The following MAD1L1 variants were observed in gnomAD, a reference collection of about 807,000 sequenced individuals.
MAD1L1 encodes mitotic spindle assembly checkpoint protein MAD1.
Under a neutral mutation model 96.9 loss-of-function variants are expected in MAD1L1, and 95 were observed. The ratio of observed to expected loss-of-function variants is 0.98; its 90% CI spans 0.83 to 1.16. MAD1L1 has a LOEUF of 1.16. MAD1L1 is among the 50% of genes most tolerant of loss of function. The pLI, the probability that MAD1L1 is intolerant of heterozygous loss-of-function variation, is 0.00. For synonymous variants in MAD1L1, 473 were observed against 396.6 expected (o/e 1.19, Z -2.29); for missense variants, 1,007 against 954.4 (o/e 1.06, Z -0.73).
intron 17 of MAD1L1, among the ~76,000 whole-genome samples, chr7:1,920,527 G>C (rs575605868): frequency 6.6e-6 from 1 of 152,368 alleles, no homozygotes; most frequent in South Asian, 2.1e-4. Context: ...CCATCGCATG[G>C]AGTTGGGGGA....
chr7:1,946,861 A>G (rs1167699097), intron 16 of MAD1L1, among the ~76,000 whole-genome samples: 1 of 152,228 alleles, frequency 6.6e-6, no homozygotes, highest in Admixed American at 6.5e-5. Context: ...CTGCCTTGTA[A>G]GCCCACACCT....
chr7:2,178,015 CT>C (rs1791025040), intron 10 of MAD1L1, among the ~76,000 whole-genome samples: 1 of 152,170 alleles, frequency 6.6e-6, no homozygotes, highest in Admixed American at 6.5e-5. Flanking sequence ...TTTATAAACC[CT>C]AGATCTAACA....
At chr7:1,828,081 G>C (rs1026166140) in intron 18 of MAD1L1, among the ~76,000 whole-genome samples, 17 of 152,066 alleles carry the variant, frequency 1.1e-4, no homozygotes, top group African/African-American at 4.1e-4. Flanking sequence ...TTGTCTCTCT[G>C]AGCTGAAGTT....
At chr7:1,955,656 G>T in intron 16 of MAD1L1, among the ~76,000 whole-genome samples, 1 of 152,274 alleles carries the variant, frequency 6.6e-6, no homozygotes, top group Middle Eastern at 3.4e-3. Flanking sequence ...CCAGCACGGT[G>T]ACAACAAGCC....
At chr7:2,066,067 TCAGTAACA>T (rs1445116058) in intron 12 of MAD1L1, among the ~76,000 whole-genome samples, 4 of 152,214 alleles carry the variant, frequency 2.6e-5, no homozygotes, top group African/African-American at 9.6e-5. Flanking sequence ...CTCTTAGCTA[TCAGTAACA>T]ATTAAATCCT....
At chr7:2,170,795 G>A (rs1009574087) in intron 10 of MAD1L1, among the ~76,000 whole-genome samples, 3 of 152,154 alleles carry the variant, frequency 2.0e-5, no homozygotes, top group African/African-American at 4.8e-5. Context: ...CAGGAAAGGC[G>A]ACACAGGCTG....
intron 18 of MAD1L1, among the ~76,000 whole-genome samples, chr7:1,860,245 C>T (rs1370475321): frequency 1.2e-4 from 16 of 128,854 alleles, no homozygotes; most frequent in African/African-American, 4.2e-4. Flanking sequence ...TGACATCCTG[C>T]GGGGCGGCCT....
chr7:1,879,304 A>C (rs866026418), intron 18 of MAD1L1, among the ~76,000 whole-genome samples: 29 of 152,136 alleles, frequency 1.9e-4, no homozygotes, highest in African/African-American at 6.5e-4. Flanking sequence ...AAAAATAAAA[A>C]CTTAGCCGGG....
chr7:1,920,358 G>A (rs928352920), intron 17 of MAD1L1, among the ~76,000 whole-genome samples: 1 of 152,262 alleles, frequency 6.6e-6, no homozygotes, highest in Non-Finnish European at 1.5e-5. Context: ...AGCAGCGACA[G>A]TGTGTGGGAG....
chr7:1,936,821 C>T lies in MAD1L1; in HGVS notation c.1673G>A (p.Arg558His), dbSNP rs1801368. The change falls in exon 17 of 19, where the codon CGC (arginine) becomes CAC (histidine). Residue 558 changes from arginine to histidine, a missense_variant. Coordinates refer to ENST00000265854, the MANE Select transcript of MAD1L1 (RefSeq NM_001013836.2). The stretch of plus-strand genomic sequence containing the variant: ...CGCCTGCAGCTGGCTGTGGTCCTCG[C>T]GCAGGCGCTGCCTGGCCACACTGGT... ...NPTSVARQRL[R>H]EDHSQLQAEC... is the part of the protein sequence containing the mutation. 0.37 allele frequency: 586,204 copies of T among 1,599,380 alleles called. 112,418 individuals are homozygous for T. Among genetic ancestry groups the T allele is most frequent in the East Asian group, 0.45 (19,943 of 44,236 alleles).
intron 11 of MAD1L1, among the ~76,000 whole-genome samples, chr7:2,121,140 G>A (rs1394934248): frequency 6.6e-6 from 1 of 152,362 alleles, no homozygotes; most frequent in South Asian, 2.1e-4. Flanking sequence ...TCACCAGGAC[G>A]AGCTGGACCA....
At chr7:2,074,650 G>A (rs1398512198) in intron 11 of MAD1L1, among the ~76,000 whole-genome samples, 1 of 152,232 alleles carries the variant, frequency 6.6e-6, no homozygotes, top group African/African-American at 2.4e-5. Context: ...CCTCTCCAGC[G>A]CCCCCAGGAC....
chr7:1,890,276 G>A (rs1034242268), intron 18 of MAD1L1, among the ~76,000 whole-genome samples: 9 of 152,208 alleles, frequency 5.9e-5, no homozygotes, highest in African/African-American at 2.2e-4. Context: ...GGCCTATGGG[G>A]AGGAGGTGTC....
At chr7:1,936,570 A>T (rs1358802253) in intron 17 of MAD1L1, 117 bp downstream of exon 17, 2 of 1,069,520 alleles carry the variant, frequency 1.9e-6, no homozygotes, top group Non-Finnish European at 2.7e-6. Flanking sequence ...CCCACAGGGG[A>T]GGACAAACCC....
chr7:1,919,414 G>A (rs11978253), intron 17 of MAD1L1, among the ~76,000 whole-genome samples: 1 of 152,186 alleles, frequency 6.6e-6, no homozygotes, highest in African/African-American at 2.4e-5. Context: ...GGTCCAGGTG[G>A]CTGGCACTGA....
chr7:1,877,004 C>T (rs1187575098), intron 18 of MAD1L1, among the ~76,000 whole-genome samples: 1 of 144,688 alleles, frequency 6.9e-6, no homozygotes, highest in Non-Finnish European at 1.5e-5. Flanking sequence ...TACACTTCAA[C>T]AAGCATTTTT....
chr7:2,213,093 C>A, intron 10 of MAD1L1, 119 bp downstream of exon 10: 1 of 1,049,916 alleles, frequency 9.5e-7, no homozygotes, highest in Non-Finnish European at 1.4e-6. Flanking sequence ...ACAAATGCCC[C>A]GCACCAGCCA....
chr7:1,901,598 C>T (rs558853229), intron 17 of MAD1L1, among the ~76,000 whole-genome samples: 24 of 152,360 alleles, frequency 1.6e-4, no homozygotes, highest in South Asian at 1.4e-3. Flanking sequence ...CAGCCCGGCT[C>T]GCTGTGTGCT....
chr7:1,921,104 C>T (rs147800153), intron 17 of MAD1L1, among the ~76,000 whole-genome samples: 32 of 152,290 alleles, frequency 2.1e-4, no homozygotes, highest in South Asian at 6.2e-4. Context: ...AGATGACACA[C>T]TCCTGCCTGG....
Sources: allele counts gnomAD v4.1 joint callset (sites outside exome capture counted in the v4.1 genomes callset), GRCh38; gene constraint gnomAD v4.1.1; transcripts MANE v1.5; gene names NCBI Gene and HGNC (gene_info 2026-07-23, HGNC 2026-07-21).